Variants in OSBPL1A observed in about 807,000 individuals in gnomAD.
The protein encoded by OSBPL1A is oxysterol-binding protein-related protein 1.
Under a neutral mutation model 137.1 loss-of-function variants are expected in OSBPL1A, and 80 were observed. The ratio of observed to expected loss-of-function variants is 0.58; its 90% confidence interval spans 0.49 to 0.70. The LOEUF (loss-of-function observed/expected upper bound fraction) is 0.70. Among genes scored for constraint, OSBPL1A ranks in the 30% least tolerant of loss-of-function variants. The pLI is 0.00. For missense variants in OSBPL1A, 970 were observed against 1,129.4 expected, an observed-to-expected ratio of 0.86 and a Z score of 2.02; for synonymous variants, 365 against 389.7, an observed-to-expected ratio of 0.94 and a Z score of 0.75.
chr18:24,202,407 A>C (rs1421410101), intron 17 of OSBPL1A, among the ~76,000 whole-genome samples: 1 of 152,254 alleles, frequency 6.6e-6, no homozygotes, highest in Non-Finnish European at 1.5e-5. Flanking sequence ...ACTAAGATAA[A>C]AACACTCATT....
rs2088609652 is a variant in OSBPL1A, at chr18:24,239,388, A to G, written c.1282-6T>C. 1 of 1,612,208 alleles carries G rather than the reference A, an allele frequency of 6.2e-7. No homozygotes were observed. The highest frequency in any genetic ancestry group is 8.5e-7 in the Non-Finnish European group (1 of 1,178,908). On this transcript the variant is annotated splice_region_variant and splice_polypyrimidine_tract_variant and intron_variant, in intron 15 of 27. Coordinates refer to ENST00000319481, the MANE Select transcript of OSBPL1A (RefSeq NM_080597.4). ...TCCAATTTAAAATTCCTCACCTAGA[A>G]GAAAACAGATATACAGAAAAGACTT...
intron 4 of OSBPL1A, among the ~76,000 whole-genome samples, chr18:24,358,945 G>A (rs146730785): frequency 4.6e-5 from 7 of 152,192 alleles, no homozygotes; most frequent in South Asian, 4.1e-4. Flanking sequence ...GGCTGGGCAC[G>A]GTGGCTCATG....
intron 21 of OSBPL1A, among the ~76,000 whole-genome samples, chr18:24,173,316 G>T (rs1206332422): frequency 1.3e-5 from 2 of 152,100 alleles, no homozygotes; most frequent in African/African-American, 4.8e-5. Flanking sequence ...TAGTACCTGG[G>T]TGACGAAACA....
intron 17 of OSBPL1A, among the ~76,000 whole-genome samples, chr18:24,207,217 G>A (rs1405567301): frequency 6.6e-6 from 1 of 152,130 alleles, no homozygotes; most frequent in Non-Finnish European, 1.5e-5. Flanking sequence ...CCGAGTAGCT[G>A]GGATTACAGG....
At chr18:24,251,925 C>T (rs1567976737) in intron 15 of OSBPL1A, among the ~76,000 whole-genome samples, 1 of 152,028 alleles carries the variant, frequency 6.6e-6, no homozygotes, top group Non-Finnish European at 1.5e-5. Context: ...AAAAATGCAA[C>T]TCACATACTG....
chr18:24,272,840 T>C (rs1417076538), intron 15 of OSBPL1A, among the ~76,000 whole-genome samples: 1 of 152,060 alleles, frequency 6.6e-6, no homozygotes. Flanking sequence ...GCTGGGAAAA[T>C]TGGGAATGAA....
Position 24,313,546 on chromosome 18 carries a change from A to G in OSBPL1A, c.969+703T>C, listed in dbSNP as rs557534714. ...TTATCACTAGGAAGGCTGAGTCTCC[A>G]TTGTAATGAGTGTCAGAACGCCTGG... On this transcript the variant is annotated intron_variant, in intron 12 of 27. Coordinates refer to ENST00000319481, the MANE Select transcript of OSBPL1A (RefSeq NM_080597.4). Among the ~76,000 whole-genome samples, 5 of 152,260 alleles carry G rather than the reference A, an allele frequency of 3.3e-5. No homozygotes were observed. The East Asian group carries it at 9.6e-4, about 29-fold the overall frequency.
chr18:24,247,929 C>T (rs973521327), intron 15 of OSBPL1A, among the ~76,000 whole-genome samples: 1 of 152,060 alleles, frequency 6.6e-6, no homozygotes, highest in Non-Finnish European at 1.5e-5. Flanking sequence ...GAAGACAACC[C>T]GGGTTGCTTT....
intron 9 of OSBPL1A, 108 bp from the exon 10 acceptor site, chr18:24,317,508 T>G: frequency 1.2e-6 from 1 of 802,838 alleles, no homozygotes. Context: ...CTTTAGACAG[T>G]AGCACTGAAC....
At chr18:24,391,855 G>A (rs1376906793) in intron 1 of OSBPL1A, among the ~76,000 whole-genome samples, 1 of 152,124 alleles carries the variant, frequency 6.6e-6, no homozygotes, top group Non-Finnish European at 1.5e-5. Context: ...TTGCCAAATG[G>A]CATTTGTACT....
Position 24,181,141 on chromosome 18 carries a change from A to C in OSBPL1A, c.1812+4T>G, listed in dbSNP as rs2086596433. On this transcript the variant is annotated splice_donor_region_variant and intron_variant, in intron 19 of 27. Coordinates refer to ENST00000319481, the MANE Select transcript of OSBPL1A (RefSeq NM_080597.4). ...GTTAGACCTTTTCCTCCCTTGGCTC[A>C]TACCTGCATCCTTTCCACAGGATCA... The C allele has an allele frequency of 6.2e-7, 1 of 1,613,462 alleles. No individual in the cohort carries two copies. The highest frequency in any genetic ancestry group is 2.2e-5 in the East Asian group (1 of 44,858).
chr18:24,232,435 G>A (rs1019596239), intron 16 of OSBPL1A, among the ~76,000 whole-genome samples: 19 of 152,196 alleles, frequency 1.2e-4, no homozygotes, highest in African/African-American at 4.6e-4. Context: ...GCTTGTGACA[G>A]AGTTTCTTAA....
chr18:24,340,671 T>G (rs1317116775), intron 5 of OSBPL1A, among the ~76,000 whole-genome samples: 12 of 152,140 alleles, frequency 7.9e-5, no homozygotes, highest in Non-Finnish European at 8.8e-5. Flanking sequence ...CCGGGTGTGA[T>G]GGTACATGCC....
chr18:24,206,230 C>T (rs1253599695), intron 17 of OSBPL1A, among the ~76,000 whole-genome samples: 1 of 152,178 alleles, frequency 6.6e-6, no homozygotes, highest in Non-Finnish European at 1.5e-5. Context: ...CAGCCAATGG[C>T]TGTCACCTGG....
Position 24,162,156 on chromosome 18 carries a change from C to G in OSBPL1A, c.*1023G>C, listed in dbSNP as rs1447507489. ...TCACGGACTGGCAGCTACCTAGGCC[C>G]CTGGGAGCAGTATCTCAGTCTGGGG... is the stretch of plus-strand genomic sequence containing the variant. On this transcript the variant is annotated 3_prime_UTR_variant, in exon 28 of 28. Transcript: ENST00000319481. 6.6e-6 allele frequency: 1 copy of G among 152,190 alleles called. No individual in the cohort carries two copies. The highest frequency in any genetic ancestry group is 1.5e-5 in the Non-Finnish European group (1 of 68,066). The allele number at this position is 152,190 out of a possible 1,614,324, so 9.4% of individuals were successfully genotyped here.
chr18:24,181,876 T>C (rs150050550), intron 18 of OSBPL1A, among the ~76,000 whole-genome samples: 259 of 152,282 alleles, frequency 1.7e-3, no homozygotes, highest in Non-Finnish European at 2.9e-3. Context: ...GCCTTCTCAG[T>C]GGAGTGTGCT....
chr18:24,217,058 G>T lies in OSBPL1A; in HGVS notation c.1601+7984C>A, dbSNP rs891133619. On this transcript the variant is annotated intron_variant, in intron 17 of 27. Transcript: ENST00000319481. ...AAAATTACCAGAGAAACCAATGAGG[G>T]TCCTGTCAGAGGGACACAGAAGCTG... is the stretch of plus-strand genomic sequence containing the variant. Among the ~76,000 whole-genome samples the T allele has an allele frequency of 2.0e-5, 3 of 152,084 alleles. No individual in the cohort carries two copies. The East Asian group carries it at 5.8e-4, about 29-fold the overall frequency.
chr18:24,225,670 T>C (rs1434293399), intron 16 of OSBPL1A, among the ~76,000 whole-genome samples: 3 of 152,198 alleles, frequency 2.0e-5, no homozygotes, highest in Admixed American at 6.5e-5. Context: ...AATTTAAAAA[T>C]ACTTTAAAAA....
rs2086645302 is a variant in OSBPL1A at position 24,182,931 on chromosome 18, C to T, written c.1678-1652G>A. ...TCACCCAGGCTGGAGTACAGTGGCA[C>T]AATCTTGGCTCACTGTAACCTCTGG... On this transcript the variant is annotated intron_variant, in intron 18 of 27. Coordinates refer to ENST00000319481, the MANE Select transcript of OSBPL1A (RefSeq NM_080597.4). Among the ~76,000 whole-genome samples, 4 of 151,864 alleles carry T rather than the reference C, an allele frequency of 2.6e-5. No individual in the cohort carries two copies. In the South Asian group the frequency reaches 8.3e-4, roughly 32 times the overall value.
Sources: allele counts gnomAD v4.1 joint callset (sites outside exome capture counted in the v4.1 genomes callset), GRCh38; gene constraint gnomAD v4.1.1; transcripts MANE v1.5; gene names NCBI Gene and HGNC (gene_info 2026-07-23, HGNC 2026-07-21).